The following NLGN1 variants were observed in gnomAD, a reference collection of about 807,000 sequenced individuals.
The protein encoded by NLGN1 is neuroligin-1.
In NLGN1, 12 loss-of-function variants were observed where a neutral mutation model predicts 65.5. The ratio of observed to expected loss-of-function variants is 0.18; its 90% CI spans 0.12 to 0.30. The LOEUF is 0.30. Ranked by LOEUF, NLGN1 falls within the 10% of genes least tolerant of loss-of-function variation. The pLI, the probability that NLGN1 is intolerant of heterozygous loss-of-function variation, is 1.00. For missense variants in NLGN1, 750 were observed against 1,007.1 expected, an observed-to-expected ratio of 0.74 and a Z score of 3.46; for synonymous variants, 350 against 359.5, an observed-to-expected ratio of 0.97 and a Z score of 0.30.
chr3:173,722,347 G>A (rs1770995655), intron 3 of NLGN1, among the ~76,000 whole-genome samples: 1 of 146,332 alleles, frequency 6.8e-6, no homozygotes, highest in Non-Finnish European at 1.5e-5. Context: ...AGGCTCAAGC[G>A]ATTCTCCTTC....
Position 173,442,899 on chromosome 3 carries a change from T to A in NLGN1, c.-321+7821T>A, listed in dbSNP as rs182314346. On this transcript the variant is annotated intron_variant, in intron 2 of 6. Coordinates refer to ENST00000457714, the Ensembl canonical transcript of NLGN1. ...GTAAGATACACACATATTACATATA[T>A]CTTTTAAGTAACCCAGCAGCCTATA... is the stretch of plus-strand genomic sequence containing the variant. 3.9e-3 allele frequency among the ~76,000 whole-genome samples: 598 copies of A among 152,278 alleles called. 6 individuals are homozygous for A. Among genetic ancestry groups the A allele is most frequent in the African/African-American group, 0.013 (557 of 41,556 alleles).
chr3:173,857,522 A>G (rs1344029471), intron 4 of NLGN1, among the ~76,000 whole-genome samples: 1 of 152,032 alleles, frequency 6.6e-6, no homozygotes, highest in Non-Finnish European at 1.5e-5. Flanking sequence ...TACCCAACAC[A>G]ATGGACAATA....
chr3:174,211,048 T>C (rs1173507569), intron 4 of NLGN1, among the ~76,000 whole-genome samples: 1 of 152,156 alleles, frequency 6.6e-6, no homozygotes, highest in Non-Finnish European at 1.5e-5. Flanking sequence ...TCAGATGTGT[T>C]CGGAGTTTCT....
intron 4 of NLGN1, among the ~76,000 whole-genome samples, chr3:173,958,535 T>C (rs1712714015): frequency 2.0e-5 from 3 of 152,034 alleles, no homozygotes; most frequent in Non-Finnish European, 4.4e-5. Flanking sequence ...CATCCCATTT[T>C]CTCCTTGAAT....
chr3:174,197,518 C>CAAAAAAAAAAAAAAAAAAAAAA, intron 4 of NLGN1, among the ~76,000 whole-genome samples: 1 of 100,412 alleles, frequency 1.0e-5, no homozygotes, highest in African/African-American at 4.2e-5. Flanking sequence ...TACTTAACCT[C>CAAAAAAAAAAAAAAAAAAAAAA]AAAAAAAAAA....
At chr3:173,494,109 A>C (rs894551470) in intron 2 of NLGN1, among the ~76,000 whole-genome samples, 1 of 132,642 alleles carries the variant, frequency 7.5e-6, no homozygotes, top group Non-Finnish European at 1.6e-5. Context: ...GTCAATATTT[A>C]GTGTTATAGG....
At position 173,416,166 on chromosome 3, in the gene NLGN1, T is replaced by C. The variant is rs556951763; in HGVS notation, c.-390+17679T>C. 2.0e-5 allele frequency among the ~76,000 whole-genome samples: 3 copies of C among 152,280 alleles called. No homozygotes were observed. The South Asian group carries it at 6.2e-4, about 32-fold the overall frequency. ...TGACATATAGATGGTATTTAAGCCA[T>C]GAGATTAGATTACACCACCAAAGGA... On this transcript the variant is annotated intron_variant, in intron 1 of 6. Coordinates refer to ENST00000457714, the Ensembl canonical transcript of NLGN1.
intron 2 of NLGN1, among the ~76,000 whole-genome samples, chr3:173,561,420 C>T (rs1429879449): frequency 6.6e-6 from 1 of 152,058 alleles, no homozygotes; most frequent in African/African-American, 2.4e-5. Flanking sequence ...TTCCTAAATC[C>T]TAGTACAAAA....
chr3:174,139,753 T>A (rs942532565), intron 4 of NLGN1, among the ~76,000 whole-genome samples: 10 of 152,178 alleles, frequency 6.6e-5, no homozygotes, highest in African/African-American at 2.4e-4. Context: ...TTCCTGTTGT[T>A]TCACATCCTC....
intron 2 of NLGN1, among the ~76,000 whole-genome samples, chr3:173,469,705 T>G (rs1725006027): frequency 6.6e-6 from 1 of 151,828 alleles, no homozygotes; most frequent in African/African-American, 2.4e-5. Flanking sequence ...CAAAACACTT[T>G]CAACACATCA....
chr3:174,192,354 A>G (rs1159903513), intron 4 of NLGN1, among the ~76,000 whole-genome samples: 1 of 152,200 alleles, frequency 6.6e-6, no homozygotes, highest in Non-Finnish European at 1.5e-5. Flanking sequence ...TTGATGGCTA[A>G]TAATTTCTTT....
intron 2 of NLGN1, among the ~76,000 whole-genome samples, chr3:173,556,693 T>C (rs1207918580): frequency 6.6e-6 from 1 of 151,944 alleles, no homozygotes; most frequent in African/African-American, 2.4e-5. Context: ...TAGTCCTAGC[T>C]ACTAGGGAGG....
intron 4 of NLGN1, among the ~76,000 whole-genome samples, chr3:174,142,047 T>G (rs919571330): frequency 2.0e-5 from 3 of 152,150 alleles, no homozygotes; most frequent in African/African-American, 7.2e-5. Flanking sequence ...TACCCTCACC[T>G]CTAGAAGTTG....
chr3:174,064,186 GA>G (rs973882074), intron 4 of NLGN1, among the ~76,000 whole-genome samples: 1 of 151,640 alleles, frequency 6.6e-6, no homozygotes, highest in East Asian at 1.9e-4. Context: ...ATAAAAAAAA[GA>G]AAAAAACAAG....
chr3:173,538,846 C>T (rs991017647), intron 2 of NLGN1, among the ~76,000 whole-genome samples: 2 of 150,154 alleles, frequency 1.3e-5, no homozygotes, highest in Admixed American at 6.7e-5. Context: ...CTTTGGTGAA[C>T]ATTTACATGG....
intron 3 of NLGN1, among the ~76,000 whole-genome samples, chr3:173,693,730 G>A (rs1765796123): frequency 6.6e-6 from 1 of 151,936 alleles, no homozygotes; most frequent in Non-Finnish European, 1.5e-5. Context: ...ACAGGAAATG[G>A]TGTTCAGAAG....
chr3:173,502,653 A>C (rs1731340521), intron 2 of NLGN1, among the ~76,000 whole-genome samples: 1 of 152,150 alleles, frequency 6.6e-6, no homozygotes, highest in South Asian at 2.1e-4. Flanking sequence ...TGTTATATGA[A>C]ATTAGGTACT....
intron 4 of NLGN1, among the ~76,000 whole-genome samples, chr3:173,839,769 A>G (rs115722502): frequency 0.024 from 3,621 of 152,300 alleles, 169 homozygotes; most frequent in African/African-American, 0.081. Flanking sequence ...TTAAAGGGCT[A>G]TGCCTATAAT....
intron 4 of NLGN1, among the ~76,000 whole-genome samples, chr3:173,903,496 T>A (rs1288234855): frequency 2.0e-5 from 3 of 152,178 alleles, no homozygotes; most frequent in East Asian, 3.9e-4. Flanking sequence ...AACATAAACA[T>A]GTTTCTCTCA....
Sources: gnomAD v4.1 joint callset for allele counts (sites outside exome capture counted in the v4.1 genomes callset) on GRCh38, gnomAD v4.1.1 for gene constraint, MANE v1.5 for transcripts, NCBI Gene and HGNC (gene_info 2026-07-23, HGNC 2026-07-21) for gene names.